The following SNED1 variants were observed in gnomAD, a reference collection of about 807,000 sequenced individuals.
SNED1 encodes sushi, nidogen and EGF like domains 1, also known as sushi, nidogen and EGF-like domain-containing protein 1.
In SNED1, 81 loss-of-function variants were observed where a neutral mutation model predicts 166.7. That is an observed-to-expected ratio of 0.49 (90% CI 0.41 to 0.58). SNED1 has a LOEUF of 0.58. Among genes scored for constraint, SNED1 ranks in the 20% least tolerant of loss-of-function variants. SNED1 has a pLI of 0.00. For missense variants in SNED1, 1,604 were observed against 2,000.2 expected (o/e 0.80, Z 3.78); for synonymous variants, 762 against 822.0 (o/e 0.93, Z 1.25).
Position 241,064,031 on chromosome 2 carries a change from C to T in SNED1, c.2505C>T (p.Ser835=). 1.3e-6 allele frequency: 2 copies of T among 1,557,480 alleles called. No homozygotes were observed. The highest frequency in any genetic ancestry group is 1.7e-6 in the Non-Finnish European group (2 of 1,151,302). Residue 835 remains serine, a synonymous_variant, in exon 19 of 32, where the codon TCC becomes TCT. Coordinates refer to ENST00000310397, the MANE Select transcript of SNED1 (RefSeq NM_001080437.3). The surrounding 1 kb of genome is among the most constrained non-coding windows in gnomAD (Gnocchi z 7.0). The part of the protein sequence containing the change: ...HCETEVDACD[S]SPCQHGGRCE... ...CTCCAGAGGTGGACGCCTGCGACTC[C>T]AGCCCCTGCCAGCATGGAGGCCGGT...
chr2:241,018,573 C>CT lies in SNED1; in HGVS notation c.214-11708dup, dbSNP rs1480094489. Among the ~76,000 whole-genome samples, 1 of 152,234 alleles carries CT rather than the reference C, an allele frequency of 6.6e-6. No homozygotes were observed. Among genetic ancestry groups the CT allele is most frequent in the Non-Finnish European group, 1.5e-5 (1 of 68,036 alleles). The stretch of plus-strand genomic sequence containing the variant: ...GAAGCCAGAATGCACATCCCAGGAA[C>CT]TTTCACTCACCTTTCCCCAGTTTGT... On this transcript the variant is annotated intron_variant, in intron 1 of 31. Transcript: ENST00000310397. The surrounding 1 kb of genome is among the most constrained non-coding windows in gnomAD (Gnocchi z 5.4).
chr2:241,071,864 C>A lies in SNED1; in HGVS notation c.3803C>A (p.Ala1268Asp). ...ARFGGSPSKAATVRSQPTASA... is the reference protein window; with the variant it reads ...ARFGGSPSKADTVRSQPTASA... ...TTCGGTGGCTCACCCAGCAAAGCAG[C>A]CACCGTGAGATCACGTGAGTGCCAG... The change falls in exon 26 of 32, where the codon GCC becomes GAC. Residue 1268 changes from alanine to aspartate, a missense_variant. Ala to Asp is a moderately radical substitution (Grantham distance 126, BLOSUM62 -2). Transcript: ENST00000310397. 1.2e-6 allele frequency: 2 copies of A among 1,604,042 alleles called. No individual in the cohort carries two copies. The highest frequency in any genetic ancestry group is 1.7e-6 in the Non-Finnish European group (2 of 1,175,976).
rs537725099 is a variant in SNED1, at chr2:241,020,058, C to T, written c.214-10226C>T. 1.6e-4 allele frequency among the ~76,000 whole-genome samples: 24 copies of T among 152,284 alleles called. No individual in the cohort carries two copies. In the East Asian group the frequency reaches 4.6e-3, roughly 29 times the overall value. Reference sequence around the variant, plus strand: ...TGACCCAAGGCCTGTTTGTGTATGACCTGTGAACTAAGAATGTTCTTAATA... The same window carrying T: ...TGACCCAAGGCCTGTTTGTGTATGATCTGTGAACTAAGAATGTTCTTAATA... On this transcript the variant is annotated intron_variant, in intron 1 of 31. Transcript: ENST00000310397.
chr2:241,040,667 ACCCCTTCC>A (rs1482331437), intron 8 of SNED1, among the ~76,000 whole-genome samples: 1 of 151,902 alleles, frequency 6.6e-6, no homozygotes, highest in Non-Finnish European at 1.5e-5. Context: ...AGGCTGAGCA[ACCCCTTCC>A]CCTCTCTGGG....
rs2062349419 is a variant in SNED1, at chr2:241,064,254, C to T, written c.2599+129C>T. On this transcript the variant is annotated intron_variant, in intron 19 of 31. Coordinates refer to ENST00000310397, the MANE Select transcript of SNED1 (RefSeq NM_001080437.3). This position sits in a 1 kb window ranked among gnomAD's most constrained non-coding sequence, Gnocchi z 7.0. ...CGCCTGCTCCCCGCCCTCTGCCCGC[C>T]GCCTTGGAAGTCCCCTTCTCAGGCC... The T allele has an allele frequency of 1.7e-5, 11 of 651,458 alleles. No individual in the cohort carries two copies. Among genetic ancestry groups the T allele is most frequent in the Non-Finnish European group, 2.3e-5 (9 of 392,974 alleles). The allele number at this position is 651,458 out of a possible 1,614,324, so 40.4% of individuals were successfully genotyped here.
At chr2:241,005,326 C>T (rs1315387327) in intron 1 of SNED1, among the ~76,000 whole-genome samples, 7 of 152,242 alleles carry the variant, frequency 4.6e-5, no homozygotes, top group African/African-American at 1.7e-4. Context: ...GCCTCAGCCT[C>T]CTGAGTACCT....
In SNED1 at chr2:241,082,351, G is replaced by T; in HGVS notation, c.4108G>T (p.Val1370Phe). 1 of 1,613,052 alleles carries T rather than the reference G, an allele frequency of 6.2e-7. No individual in the cohort carries two copies. The change falls in exon 29 of 32, where the codon GTC (valine) becomes TTC (phenylalanine). Residue 1370 changes from valine (V) to phenylalanine (F), a missense_variant. By Grantham distance (50) the Val-to-Phe change is conservative. Transcript: ENST00000310397. ...GGCCTTTCCAGTCTGGGAGGGAGGC[G>T]TCTGTCACCACGTGTAAGTTGGTTT... ...TKAFPVWEGGVCHHVYKRVYR... is the reference protein window; with the variant it reads ...TKAFPVWEGGFCHHVYKRVYR...
chr2:241,040,468 A>G, intron 8 of SNED1, 55 bp downstream of exon 8: 1 of 1,146,252 alleles, frequency 8.7e-7, no homozygotes, highest in Non-Finnish European at 1.2e-6. Flanking sequence ...TTGTGCCGTG[A>G]ACACCCCCAT....
intron 29 of SNED1, among the ~76,000 whole-genome samples, chr2:241,085,909 C>T (rs1198125755): frequency 6.8e-6 from 1 of 147,716 alleles, no homozygotes; most frequent in Non-Finnish European, 1.5e-5. Context: ...CTCTGTCGCC[C>T]AGGCTGGAGT....
chr2:241,046,850 A>G (rs75600400), intron 8 of SNED1, among the ~76,000 whole-genome samples: 4,320 of 152,328 alleles, frequency 0.028, 485 homozygotes, highest in Admixed American at 0.2. Flanking sequence ...AACATCTTTT[A>G]AAAACCAAAA....
At position 240,999,077 on chromosome 2, in the gene SNED1, G is replaced by T; in HGVS notation, c.213+27G>T. 8.1e-7 allele frequency: 1 copy of T among 1,233,766 alleles called. No homozygotes were observed. Among genetic ancestry groups the T allele is most frequent in the Non-Finnish European group, 1.0e-6 (1 of 976,208 alleles). The allele number at this position is 1,233,766 out of a possible 1,614,324, so 76.4% of individuals were successfully genotyped here. A position where few individuals can be genotyped will look rare whatever the true frequency, so the allele number is the denominator to read the frequency against. ...TGAGTAACCCCCGGGCTCGCGGGGC[G>T]CCCGGGAGGGGAGGGAGCTGCGCCC... On this transcript the variant is annotated intron_variant, in intron 1 of 31. Coordinates refer to ENST00000310397, the MANE Select transcript of SNED1 (RefSeq NM_001080437.3). The surrounding 1 kb of genome is among the most constrained non-coding windows in gnomAD (Gnocchi z 5.8).
In SNED1 at chr2:240,999,086, G is replaced by A. The variant is rs1423197470; in HGVS notation, c.213+36G>A. ...CCCGGGCTCGCGGGGCGCCCGGGAGGGGAGGGAGCTGCGCCCCGGCCGCTG... is the reference window on the plus strand; with the variant it reads ...CCCGGGCTCGCGGGGCGCCCGGGAGAGGAGGGAGCTGCGCCCCGGCCGCTG... On this transcript the variant is annotated intron_variant, in intron 1 of 31. Coordinates refer to ENST00000310397, the MANE Select transcript of SNED1 (RefSeq NM_001080437.3). The surrounding 1 kb of genome is among the most constrained non-coding windows in gnomAD (Gnocchi z 5.8). The A allele has an allele frequency of 2.5e-6, 3 of 1,202,176 alleles. No individual in the cohort carries two copies. Among genetic ancestry groups the A allele is most frequent in the Non-Finnish European group, 3.1e-6 (3 of 953,004 alleles). 74.5% of individuals were successfully genotyped at this position (1,202,176 alleles called of 1,614,324 possible). A position where few individuals can be genotyped will look rare whatever the true frequency, so the allele number is the denominator to read the frequency against.
Position 241,068,709 on chromosome 2 carries a change from C to A in SNED1, c.3195-202C>A, listed in dbSNP as rs754637626. Among the ~76,000 whole-genome samples the A allele has an allele frequency of 6.6e-6, 1 of 152,186 alleles. No homozygotes were observed. Among genetic ancestry groups the A allele is most frequent in the Non-Finnish European group, 1.5e-5 (1 of 68,016 alleles). ...GCGCACCCGATCCTCCTCCGCTGCCCGGACTATGGGTTGGCTTCCCGCCCT... is the reference window on the plus strand; with the variant it reads ...GCGCACCCGATCCTCCTCCGCTGCCAGGACTATGGGTTGGCTTCCCGCCCT... On this transcript the variant is annotated intron_variant, in intron 22 of 31. Transcript: ENST00000310397. This position sits in a 1 kb window ranked among gnomAD's most constrained non-coding sequence, Gnocchi z 5.3.
intron 8 of SNED1, 60 bp from the exon 9 acceptor site, chr2:241,048,255 G>A (rs1206768706): frequency 2.4e-5 from 36 of 1,510,704 alleles, no homozygotes; most frequent in Non-Finnish European, 3.5e-6. Flanking sequence ...GAGCTGGGCG[G>A]GGAGACCACT....
intron 27 of SNED1, 47 bp from the exon 28 acceptor site, chr2:241,081,630 C>T: frequency 7.2e-7 from 1 of 1,386,578 alleles, no homozygotes; most frequent in Non-Finnish European, 1.0e-6. Flanking sequence ...TGAGGCAGGC[C>T]TGTCCTGGGG....
At chr2:241,036,974 C>T in intron 5 of SNED1, 59 bp downstream of exon 5, 1 of 1,549,522 alleles carries the variant, frequency 6.5e-7, no homozygotes, top group East Asian at 2.4e-5. Flanking sequence ...AGGAGGAGCA[C>T]TGTAGGCTCC....
intron 11 of SNED1, 76 bp from the exon 12 acceptor site, chr2:241,049,741 A>G (rs2061771269): frequency 9.2e-7 from 1 of 1,085,444 alleles, no homozygotes; most frequent in East Asian, 2.4e-5. Flanking sequence ...CTGGCAGGCA[A>G]GGTGCCCGCC....
rs760228071 is a variant in SNED1, at chr2:241,052,117, T to C, written c.1929T>C (p.Cys643=). The C allele has an allele frequency of 7.4e-6, 12 of 1,613,568 alleles. No homozygotes were observed. The highest frequency in any genetic ancestry group is 5.9e-6 in the Non-Finnish European group (7 of 1,179,798). The change falls in exon 14 of 32, where the codon TGT becomes TGC. Residue 643 remains cysteine, a synonymous_variant. Transcript: ENST00000310397. ...TCCACTACATTGGCAAATACAAGTG[T>C]GACTGTCCCCCAGGCTTCTCCGGGC... ...TCFHYIGKYK[C]DCPPGFSGRH...
intron 8 of SNED1, 134 bp from the exon 9 acceptor site, chr2:241,048,181 T>C (rs2061716372): frequency 1.8e-6 from 2 of 1,082,724 alleles, no homozygotes; most frequent in East Asian, 5.3e-5. Flanking sequence ...TTTCCAGAAA[T>C]AAGCTTCTGG....
Sources: gnomAD v4.1 joint callset for allele counts (sites outside exome capture counted in the v4.1 genomes callset) on GRCh38, gnomAD v4.1.1 for gene constraint, Gnocchi (gnomAD v3.1) non-coding constraint, MANE v1.5 for transcripts, NCBI Gene and HGNC (gene_info 2026-07-23, HGNC 2026-07-21) for gene names.